ANXA4: variants seen among roughly 807,000 people sequenced by gnomAD.
ANXA4 encodes the protein annexin A4, also known as 35-beta calcimedin.
In ANXA4, 39 loss-of-function variants were observed where a neutral mutation model predicts 49.8. The observed-to-expected ratio is 0.78, with a 90% CI of 0.61 to 1.02. The LOEUF is 1.02. Among genes scored for constraint, ANXA4 ranks in the 50% least tolerant of loss-of-function variants. The pLI is 0.00. For synonymous variants in ANXA4, 134 were observed against 152.5 expected, an observed-to-expected ratio of 0.88 and a Z score of 0.89; for missense variants, 360 against 410.1, an observed-to-expected ratio of 0.88 and a Z score of 1.05.
At chr2:69,810,367 C>T (rs1173118265) in intron 6 of ANXA4, 1 of 494,600 alleles carries the variant, frequency 2.0e-6, no homozygotes, top group Non-Finnish European at 3.7e-6. Flanking sequence ...GAGACTCCAT[C>T]TCAAAAGAAA....
chr2:69,805,934 T>C (rs1428741876), intron 4 of ANXA4, among the ~76,000 whole-genome samples: 1 of 152,146 alleles, frequency 6.6e-6, no homozygotes, highest in Non-Finnish European at 1.5e-5. Flanking sequence ...TAATGAAAAA[T>C]AGCTATATAT....
At chr2:69,732,534 G>A (rs549595387) in intron 3 of ANXA4, among the ~76,000 whole-genome samples, 8 of 152,000 alleles carry the variant, frequency 5.3e-5, no homozygotes, top group African/African-American at 1.4e-4. Flanking sequence ...CAAGGCAGGC[G>A]GATCACCTGA....
Position 69,793,120 on chromosome 2 carries a change from C to T in ANXA4, c.97+4979C>T, listed in dbSNP as rs190283623. Among the ~76,000 whole-genome samples the T allele has an allele frequency of 6.1e-3, 921 of 152,094 alleles. 4 individuals are homozygous for T. Among genetic ancestry groups the T allele is most frequent in the Non-Finnish European group, 1.0e-2 (677 of 67,992 alleles). ...TGCAAAAATTAGATGGATGTGGTGGCGCGTGCCTGTAATCCCAGCTACTCA... is the reference window on the plus strand; with the variant it reads ...TGCAAAAATTAGATGGATGTGGTGGTGCGTGCCTGTAATCCCAGCTACTCA... On this transcript the variant is annotated intron_variant, in intron 3 of 12. Transcript: ENST00000394295.
At chr2:69,824,079 T>TA (rs1674357002) in intron 12 of ANXA4, among the ~76,000 whole-genome samples, 1 of 151,794 alleles carries the variant, frequency 6.6e-6, no homozygotes, top group Non-Finnish European at 1.5e-5. Context: ...ACCCTGTCTC[T>TA]AAAAATATAA....
At chr2:69,805,046 CAAAAA>C (rs60172949) in intron 4 of ANXA4, among the ~76,000 whole-genome samples, 3 of 35,870 alleles carry the variant, frequency 8.4e-5, no homozygotes, top group African/African-American at 2.3e-4. Flanking sequence ...GACTCCATCT[CAAAAA>C]AAAAAAAAAA....
intron 2 of ANXA4, among the ~76,000 whole-genome samples, chr2:69,665,144 A>C (rs923172299): frequency 2.0e-5 from 3 of 152,138 alleles, no homozygotes; most frequent in African/African-American, 7.2e-5. Flanking sequence ...TGTGACTTTC[A>C]AAACCGCATC....
chr2:69,744,996 C>T (rs1397930874), intron 1 of ANXA4, among the ~76,000 whole-genome samples: 1 of 152,030 alleles, frequency 6.6e-6, no homozygotes, highest in Non-Finnish European at 1.5e-5. Context: ...TACTTGGGAG[C>T]CTGAGGCAGG....
rs922832002 is a variant in ANXA4, at chr2:69,650,096, C to T, written n.482-2902C>T. On this transcript the variant is annotated intron_variant and non_coding_transcript_variant, in intron 1 of 3. Transcript: ENST00000418066. ...GATTACAAGCACCCGCCATCATGCC[C>T]GGCTAATTTTTGTATTTTTTGTAGA... Among the ~76,000 whole-genome samples the T allele has an allele frequency of 1.9e-4, 29 of 150,634 alleles. 1 individual carries two copies. The highest frequency in any genetic ancestry group is 1.4e-3 in the Admixed American group (21 of 15,104).
chr2:69,722,024 TC>T (rs1214516894), intron 3 of ANXA4, among the ~76,000 whole-genome samples: 1 of 152,158 alleles, frequency 6.6e-6, no homozygotes, highest in African/African-American at 2.4e-5. Context: ...TATTAGACTC[TC>T]CTAAGTATCT....
intron 1 of ANXA4, among the ~76,000 whole-genome samples, chr2:69,744,160 T>G (rs1034916294): frequency 3.3e-5 from 5 of 152,092 alleles, no homozygotes; most frequent in African/African-American, 1.2e-4. Flanking sequence ...TTTTAAAAAT[T>G]ACTTGGGCAT....
chr2:69,654,883 A>G (rs1676379099), intron 2 of ANXA4, among the ~76,000 whole-genome samples: 2 of 152,182 alleles, frequency 1.3e-5, no homozygotes. Context: ...CACATCTACA[A>G]CCATCTGATC....
chr2:69,722,901 G>A (rs1050178250), intron 3 of ANXA4, among the ~76,000 whole-genome samples: 8 of 151,868 alleles, frequency 5.3e-5, no homozygotes, highest in Non-Finnish European at 1.5e-5. Flanking sequence ...GGCCGGGCAT[G>A]GTGGCTCATG....
chr2:69,736,972 T>G (rs1209435565), intron 3 of ANXA4, among the ~76,000 whole-genome samples: 1 of 139,374 alleles, frequency 7.2e-6, no homozygotes, highest in African/African-American at 3.4e-5. Context: ...TGGCTAATTT[T>G]TGTATTTTTT....
In ANXA4 at chr2:69,698,614, C is replaced by T. The variant is rs907620834; in HGVS notation, n.767-22160C>T. On this transcript the variant is annotated intron_variant and non_coding_transcript_variant, in intron 2 of 3. Coordinates refer to the ANXA4 transcript ENST00000418066. ...AGGAATGGATCCTGGGGACAAGCTGCGTTGTCGGCTCTGACTAGGTGGGGC... is the reference window on the plus strand; with the variant it reads ...AGGAATGGATCCTGGGGACAAGCTGTGTTGTCGGCTCTGACTAGGTGGGGC... Among the ~76,000 whole-genome samples, 9 of 152,090 alleles carry T rather than the reference C, an allele frequency of 5.9e-5. No individual in the cohort carries two copies. In the East Asian group the frequency reaches 1.2e-3, roughly 20 times the overall value.
intron 2 of ANXA4, among the ~76,000 whole-genome samples, chr2:69,784,920 A>T (rs1672352609): frequency 6.6e-6 from 1 of 152,184 alleles, no homozygotes; most frequent in Non-Finnish European, 1.5e-5. Context: ...GTCGTATTGG[A>T]TTAGGGGCCC....
At chr2:69,718,833 T>A (rs1042709025) in intron 2 of ANXA4, among the ~76,000 whole-genome samples, 4 of 150,842 alleles carry the variant, frequency 2.7e-5, no homozygotes. Context: ...TGCACACACA[T>A]ATACATGCAC....
intron 2 of ANXA4, among the ~76,000 whole-genome samples, chr2:69,685,798 C>G (rs940352452): frequency 3.0e-4 from 46 of 152,200 alleles, no homozygotes; most frequent in African/African-American, 1.1e-3. Flanking sequence ...TAGGCTGTAT[C>G]CAGTGGTGTG....
chr2:69,676,764 A>G (rs1184418192), intron 2 of ANXA4, among the ~76,000 whole-genome samples: 4 of 152,064 alleles, frequency 2.6e-5, no homozygotes, highest in African/African-American at 9.7e-5. Flanking sequence ...GTGGTGGCGC[A>G]TGCCTGTAGT....
chr2:69,685,092 T>C (rs72899492), intron 2 of ANXA4, among the ~76,000 whole-genome samples: 251 of 152,210 alleles, frequency 1.6e-3, no homozygotes, highest in African/African-American at 5.9e-3. Context: ...ATTCTGATTT[T>C]CAGAAAGAGA....
Sources: allele counts gnomAD v4.1 joint callset (sites outside exome capture counted in the v4.1 genomes callset), GRCh38; gene constraint gnomAD v4.1.1; transcripts MANE v1.5; gene names NCBI Gene and HGNC (gene_info 2026-07-23, HGNC 2026-07-21).